The following SMIM19 variants were observed in gnomAD, a reference collection of about 807,000 sequenced individuals.
The protein encoded by SMIM19 is small integral membrane protein 19, also known as UPF0697 protein C8orf40.
A neutral mutation model predicts 13.2 loss-of-function variants in SMIM19; 6 were observed. The ratio of observed to expected loss-of-function variants is 0.45; its 90% CI spans 0.25 to 0.90. The LOEUF is 0.90. Ranked by LOEUF, SMIM19 falls within the 40% of genes least tolerant of loss-of-function variation. The pLI, the probability that SMIM19 is intolerant of heterozygous loss-of-function variation, is 0.19. For synonymous variants in SMIM19, 46 were observed against 43.1 expected, an observed-to-expected ratio of 1.07 and a Z score of -0.27; for missense variants, 138 against 131.0, an observed-to-expected ratio of 1.05 and a Z score of -0.26.
upstream of SMIM19, chr8:42,541,256 G>A (rs1473721734): frequency 1.3e-5 from 2 of 151,598 alleles, no homozygotes; most frequent in Non-Finnish European, 2.9e-5. Context: ...CGCACGGCAA[G>A]CGACGGCCAG....
At chr8:42,542,982 T>TAC (rs1554579789) in intron 1 of SMIM19, among the ~76,000 whole-genome samples, 1 of 139,784 alleles carries the variant, frequency 7.2e-6, no homozygotes, top group African/African-American at 2.6e-5. Context: ...CCTGTTTTTG[T>TAC]AAAAAAAAAA....
chr8:42,547,067 A>T (rs1813516950), intron 2 of SMIM19, among the ~76,000 whole-genome samples: 1 of 151,046 alleles, frequency 6.6e-6, no homozygotes, highest in Admixed American at 6.6e-5. Flanking sequence ...TGGCTCTGAA[A>T]ACCCCATTGC....
chr8:42,548,408 C>T, intron 2 of SMIM19: 1 of 535,704 alleles, frequency 1.9e-6, no homozygotes, highest in South Asian at 1.5e-5. Flanking sequence ...AGGAGAATCA[C>T]AATGGAGGAA....
rs1172584241 is a variant in SMIM19 at position 42,552,939 on chromosome 8, A to G, written c.*331A>G. 4.5e-6 allele frequency: 1 copy of G among 222,678 alleles called. No individual in the cohort carries two copies. The highest frequency in any genetic ancestry group is 8.8e-6 in the Non-Finnish European group (1 of 113,972). The allele number at this position is 222,678 out of a possible 1,614,324, so 13.8% of individuals were successfully genotyped here. A position where few individuals can be genotyped will look rare whatever the true frequency, so the allele number is the denominator to read the frequency against. ...GAATCCTGGAGTTTATGCCATTTGC[A>G]ATATTAAAAAATAAAAATGCAAGTT... is the stretch of plus-strand genomic sequence containing the variant. On this transcript the variant is annotated 3_prime_UTR_variant, in exon 4 of 4. Transcript: ENST00000417410.
chr8:42,553,678 T>C lies in SMIM19; in HGVS notation c.*1070T>C, dbSNP rs2131501609. 6.6e-6 allele frequency: 1 copy of C among 152,348 alleles called. No homozygotes were observed. Among genetic ancestry groups the C allele is most frequent in the South Asian group, 2.1e-4 (1 of 4,832 alleles). The allele number at this position is 152,348 out of a possible 1,614,324, so 9.4% of individuals were successfully genotyped here. ...AAAGAATCCGTTTTTGAACTAGAGC[T>C]ATTTTCAATTATAAGAGTGAGCTGG... is the stretch of plus-strand genomic sequence containing the variant. On this transcript the variant is annotated 3_prime_UTR_variant, in exon 4 of 4. Transcript: ENST00000417410.
chr8:42,546,655 T>G, intron 2 of SMIM19, 49 bp downstream of exon 2: 1 of 1,581,904 alleles, frequency 6.3e-7, no homozygotes, highest in Non-Finnish European at 8.6e-7. Flanking sequence ...TTTACAAGTT[T>G]TGCTAGTTTA....
Position 42,554,355 on chromosome 8 carries a change from G to C in SMIM19, c.*1747G>C, listed in dbSNP as rs916235356. 2.6e-5 allele frequency: 4 copies of C among 152,184 alleles called. No individual in the cohort carries two copies. The highest frequency in any genetic ancestry group is 4.4e-5 in the Non-Finnish European group (3 of 68,044). The allele number at this position is 152,184 out of a possible 1,614,324, so 9.4% of individuals were successfully genotyped here. ...TTTCCACAAGTGAATTTAATCAGCA[G>C]TAGGAGTGGTTTACTCGTCACTGAC... On this transcript the variant is annotated 3_prime_UTR_variant, in exon 4 of 4. Transcript: ENST00000417410.
At chr8:42,546,874 T>C (rs895036984) in intron 2 of SMIM19, among the ~76,000 whole-genome samples, 11 of 151,396 alleles carry the variant, frequency 7.3e-5, no homozygotes, top group Non-Finnish European at 1.3e-4. Flanking sequence ...TCCCTGTTAC[T>C]TGGGCGGCTG....
Position 42,541,757 on chromosome 8 carries a change from C to T in SMIM19, c.-621C>T, listed in dbSNP as rs1813201633. On this transcript the variant is annotated 5_prime_UTR_variant, in exon 1 of 4. Coordinates refer to ENST00000417410, the MANE Select transcript of SMIM19 (RefSeq NM_001135674.2). Reference sequence around the variant, plus strand: ...CCCGGTCCCCGGCGGGGCCGCGTCACCCGGCCCCGCCCCGCGCCGCCCGCC... The same window carrying T: ...CCCGGTCCCCGGCGGGGCCGCGTCATCCGGCCCCGCCCCGCGCCGCCCGCC... The T allele has an allele frequency of 6.7e-6, 1 of 148,954 alleles. No homozygotes were observed. Among genetic ancestry groups the T allele is most frequent in the Non-Finnish European group, 1.5e-5 (1 of 67,000 alleles). 9.2% of individuals were successfully genotyped at this position (148,954 alleles called of 1,614,324 possible).
chr8:42,544,414 GAA>G (rs200306298), intron 1 of SMIM19, among the ~76,000 whole-genome samples: 6 of 118,428 alleles, frequency 5.1e-5, no homozygotes, highest in Admixed American at 8.8e-5. Flanking sequence ...CTGTCTCAGG[GAA>G]AAAAAAAAAA....
chr8:42,546,356 C>A (rs1383289611), intron 1 of SMIM19, 113 bp from the exon 2 acceptor site: 3 of 1,272,082 alleles, frequency 2.4e-6, no homozygotes, highest in Admixed American at 3.2e-5. Context: ...GGGCCGCACA[C>A]AAACAGGTGG....
chr8:42,546,588 T>A lies in SMIM19; in HGVS notation c.116T>A (p.Leu39His), dbSNP rs1406842537. ...YLIVILVSFGLFMYAKRNKRR... is the reference protein window; with the variant it reads ...YLIVILVSFGHFMYAKRNKRR... ...ATAGTTATCCTTGTTAGCTTCGGTC[T>A]CTTCATGTATGCCAAAAGGTAAATT... is the stretch of plus-strand genomic sequence containing the variant. The change falls in exon 2 of 4, where the codon CTC becomes CAC. Residue 39 changes from leucine (L) to histidine (H), a missense_variant. Coordinates refer to ENST00000417410, the MANE Select transcript of SMIM19 (RefSeq NM_001135674.2). The A allele has an allele frequency of 6.2e-7, 1 of 1,612,038 alleles. No individual in the cohort carries two copies. The highest frequency in any genetic ancestry group is 8.5e-7 in the Non-Finnish European group (1 of 1,179,580).
rs368027645 is a variant in SMIM19 at position 42,541,970 on chromosome 8, G to T, written c.-408G>T. On this transcript the variant is annotated 5_prime_UTR_variant, in exon 1 of 4. Transcript: ENST00000417410. ...CGGCCCATCTGCCGGGGCGGCGGGG[G>T]CTCGGCGGGAGGGTTGAGGCTGAAT... 36 of 152,262 alleles carry T rather than the reference G, an allele frequency of 2.4e-4. No individual in the cohort carries two copies. Among genetic ancestry groups the T allele is most frequent in the African/African-American group, 7.9e-4 (33 of 41,572 alleles). The allele number at this position is 152,262 out of a possible 1,614,324, so 9.4% of individuals were successfully genotyped here.
At chr8:42,552,519 CTCT>C (rs1563570636) in intron 3 of SMIM19, 22 bp from the exon 4 acceptor site, 3 of 1,611,884 alleles carry the variant, frequency 1.9e-6, no homozygotes, top group Admixed American at 1.7e-5. Context: ...TTAATTTTAT[CTCT>C]TCTTTTTCTT....
Position 42,542,162 on chromosome 8 carries a change from G to A in SMIM19, c.-216G>A, listed in dbSNP as rs1813256478. ...CAAGACTGGAAGAGTTCAGGTTTGG[G>A]AGTCGTGTGTATAACAGCCCCGCGC... On this transcript the variant is annotated 5_prime_UTR_variant, in exon 1 of 4. Transcript: ENST00000417410. 6.6e-6 allele frequency: 1 copy of A among 152,010 alleles called. No individual in the cohort carries two copies. Among genetic ancestry groups the A allele is most frequent in the Non-Finnish European group, 1.5e-5 (1 of 68,020 alleles). The allele number at this position is 152,010 out of a possible 1,614,324, so 9.4% of individuals were successfully genotyped here.
At chr8:42,548,816 A>G in intron 3 of SMIM19, 36 bp downstream of exon 3, 1 of 1,571,082 alleles carries the variant, frequency 6.4e-7, no homozygotes, top group Middle Eastern at 1.7e-4. Context: ...ACACATATGC[A>G]CATTTAAAAT....
chr8:42,549,215 C>G (rs903690143), intron 3 of SMIM19, among the ~76,000 whole-genome samples: 3 of 152,082 alleles, frequency 2.0e-5, no homozygotes, highest in Non-Finnish European at 2.9e-5. Context: ...AGTTCAAGAC[C>G]AGGCTGGCCA....
upstream of SMIM19, chr8:42,541,269 C>T (rs1181735127): frequency 3.3e-5 from 5 of 151,148 alleles, no homozygotes; most frequent in Non-Finnish European, 7.4e-5. Context: ...ACGGCCAGGT[C>T]CACGTGGGCC....
intron 2 of SMIM19, among the ~76,000 whole-genome samples, chr8:42,547,196 C>T (rs775802029): frequency 3.3e-5 from 5 of 151,778 alleles, no homozygotes; most frequent in Non-Finnish European, 5.9e-5. Context: ...CCCGTCTCTA[C>T]TAAAAATAAA....
Sources: gnomAD v4.1 joint callset for allele counts (sites outside exome capture counted in the v4.1 genomes callset) on GRCh38, gnomAD v4.1.1 for gene constraint, MANE v1.5 for transcripts, NCBI Gene and HGNC (gene_info 2026-07-23, HGNC 2026-07-21) for gene names.